The following GDAP1 variants were observed in gnomAD, a reference collection of about 807,000 sequenced individuals.
GDAP1 encodes ganglioside induced differentiation associated protein 1, also known as ganglioside-induced differentiation-associated protein 1.
In GDAP1, 34 loss-of-function variants were observed where a neutral mutation model predicts 40.1. The ratio of observed to expected loss-of-function variants is 0.85; its 90% CI spans 0.64 to 1.13. The LOEUF (loss-of-function observed/expected upper bound fraction) is 1.13. Among genes scored for constraint, GDAP1 ranks in the 50% most tolerant of loss-of-function variants. The probability of loss-of-function intolerance (pLI) is 0.00; values close to 1 mark genes in which losing one functional copy is unlikely to be tolerated. For missense variants in GDAP1, 374 were observed against 433.7 expected (o/e 0.86, Z 1.22); for synonymous variants, 170 against 157.4 (o/e 1.08, Z -0.60).
intron 2 of GDAP1, among the ~76,000 whole-genome samples, chr8:74,426,579 T>C (rs570924851): frequency 2.0e-5 from 3 of 152,388 alleles, no homozygotes; most frequent in African/African-American, 7.2e-5. Context: ...TCTTGAATAC[T>C]GATTGCTTTA....
At chr8:74,373,765 T>C (rs1454805103) in intron 2 of GDAP1, among the ~76,000 whole-genome samples, 1 of 152,208 alleles carries the variant, frequency 6.6e-6, no homozygotes, top group African/African-American at 2.4e-5. Context: ...TCCTGCCTGA[T>C]TGCCCTGGCC....
intron 2 of GDAP1, among the ~76,000 whole-genome samples, chr8:74,457,227 C>T (rs1586840434): frequency 6.6e-6 from 1 of 152,008 alleles, no homozygotes; most frequent in African/African-American, 2.4e-5. Context: ...AAAACTGTAC[C>T]CTTTCCGCAG....
intron 2 of GDAP1, among the ~76,000 whole-genome samples, chr8:74,354,576 T>A (rs967181134): frequency 1.3e-5 from 2 of 152,210 alleles, no homozygotes; most frequent in African/African-American, 4.8e-5. Flanking sequence ...TTAACAAGGC[T>A]AAATGTAAAA....
intron 2 of GDAP1, among the ~76,000 whole-genome samples, chr8:74,446,887 G>A (rs1025846321): frequency 6.6e-6 from 1 of 152,098 alleles, no homozygotes; most frequent in Non-Finnish European, 1.5e-5. Context: ...GTAGATTATT[G>A]ATTGCAAGGG....
chr8:74,436,098 C>T (rs1806085163), intron 2 of GDAP1, among the ~76,000 whole-genome samples: 1 of 152,196 alleles, frequency 6.6e-6, no homozygotes, highest in African/African-American at 2.4e-5. Context: ...ATAGATTGCT[C>T]ATGGGAGACT....
intron 2 of GDAP1, among the ~76,000 whole-genome samples, chr8:74,466,260 C>T (rs184495225): frequency 2.6e-4 from 39 of 152,264 alleles, no homozygotes; most frequent in Non-Finnish European, 5.0e-4. Flanking sequence ...TCTCAAAGCA[C>T]CCCAGGGAGT....
At chr8:74,479,618 T>G (rs1451988364) in intron 2 of GDAP1, among the ~76,000 whole-genome samples, 1 of 152,238 alleles carries the variant, frequency 6.6e-6, no homozygotes, top group Non-Finnish European at 1.5e-5. Flanking sequence ...TTTATTTAGT[T>G]CTTCTGTGGG....
chr8:74,372,564 C>G (rs1809773048), intron 2 of GDAP1, among the ~76,000 whole-genome samples: 1 of 152,182 alleles, frequency 6.6e-6, no homozygotes, highest in African/African-American at 2.4e-5. Context: ...GCATAAAAGT[C>G]TTCTTTTGAG....
At chr8:74,377,237 A>ACCG (rs1809871114) in intron 2 of GDAP1, among the ~76,000 whole-genome samples, 1 of 151,188 alleles carries the variant, frequency 6.6e-6, no homozygotes, top group East Asian at 1.9e-4. Context: ...TCTTAAAGAC[A>ACCG]TTAAGAAAAT....
chr8:74,453,584 T>A lies in GDAP1; in HGVS notation c.166-35094T>A, dbSNP rs1285139514. Among the ~76,000 whole-genome samples, 2 of 84,554 alleles carry A rather than the reference T, an allele frequency of 2.4e-5. 1 individual carries two copies. The highest frequency in any genetic ancestry group is 1.0e-4 in the African/African-American group (2 of 19,428). 55.5% of individuals were successfully genotyped at this position (84,554 alleles called of 152,430 possible). On this transcript the variant is annotated intron_variant, in intron 2 of 2. Coordinates refer to the GDAP1 transcript ENST00000523640. Reference sequence around the variant, plus strand: ...TTGTAAAAGCCTTTGCATTGAAACTTTTATACATTTGTATTAACTTTTTTA... The same window carrying A: ...TTGTAAAAGCCTTTGCATTGAAACTATTATACATTTGTATTAACTTTTTTA...
chr8:74,447,922 G>T lies in GDAP1; in HGVS notation c.166-40756G>T, dbSNP rs964587466. ...GGTCCCATCCCCAAGGTATTTCATC[G>T]TGTATATGCAAATATTCCTAAATAA... is the stretch of plus-strand genomic sequence containing the variant. On this transcript the variant is annotated intron_variant, in intron 2 of 2. Coordinates refer to the GDAP1 transcript ENST00000523640. 2.6e-5 allele frequency among the ~76,000 whole-genome samples: 4 copies of T among 152,262 alleles called. No homozygotes were observed. In the East Asian group the frequency reaches 7.7e-4, roughly 29 times the overall value.
Position 74,365,311 on chromosome 8 carries a change from G to A in GDAP1, c.*944G>A. 2.2e-6 allele frequency: 1 copy of A among 454,056 alleles called. No homozygotes were observed. The highest frequency in any genetic ancestry group is 4.4e-6 in the Non-Finnish European group (1 of 226,776). The allele number at this position is 454,056 out of a possible 1,614,324, so 28.1% of individuals were successfully genotyped here. ...TCATCAACAAAGACTTGTTAGAAAG[G>A]TCTAGTCTTAGCACTTGGCAGTTAA... On this transcript the variant is annotated 3_prime_UTR_variant, in exon 6 of 6. Coordinates refer to ENST00000220822, the MANE Select transcript of GDAP1 (RefSeq NM_018972.4).
rs1809599202 is a variant in GDAP1, at chr8:74,365,761, C to A, written c.*1394C>A. The A allele has an allele frequency of 2.2e-6, 1 of 454,392 alleles. No homozygotes were observed. Among genetic ancestry groups the A allele is most frequent in the Non-Finnish European group, 4.4e-6 (1 of 226,760 alleles). 28.1% of individuals were successfully genotyped at this position (454,392 alleles called of 1,614,324 possible). ...TTCATGACCTAGTTGTATTAGAAAACCTTGATGAACTATATGTTCCCGATT... is the reference window on the plus strand; with the variant it reads ...TTCATGACCTAGTTGTATTAGAAAAACTTGATGAACTATATGTTCCCGATT... On this transcript the variant is annotated 3_prime_UTR_variant, in exon 6 of 6. Coordinates refer to ENST00000220822, the MANE Select transcript of GDAP1 (RefSeq NM_018972.4).
Position 74,364,481 on chromosome 8 carries a change from T to G in GDAP1, c.*114T>G. 1 of 1,107,818 alleles carries G rather than the reference T, an allele frequency of 9.0e-7. No homozygotes were observed. Among genetic ancestry groups the G allele is most frequent in the Non-Finnish European group, 1.4e-6 (1 of 735,642 alleles). The allele number at this position is 1,107,818 out of a possible 1,614,324, so 68.6% of individuals were successfully genotyped here. A position where few individuals can be genotyped will look rare whatever the true frequency, so the allele number is the denominator to read the frequency against. ...TAGTTAGCAGTATTTTTTCCTAAAA[T>G]TCAGAAGTCATCTTTGTTACACAAC... On this transcript the variant is annotated 3_prime_UTR_variant, in exon 6 of 6. Transcript: ENST00000220822.
chr8:74,428,526 T>C (rs1805982614), intron 2 of GDAP1, among the ~76,000 whole-genome samples: 1 of 150,774 alleles, frequency 6.6e-6, no homozygotes, highest in Non-Finnish European at 1.5e-5. Flanking sequence ...CAGAGCAGTG[T>C]CATGATCTCG....
chr8:74,386,859 C>A (rs10113141), intron 2 of GDAP1, among the ~76,000 whole-genome samples: 1 of 152,210 alleles, frequency 6.6e-6, no homozygotes, highest in African/African-American at 2.4e-5. Context: ...TCTTATTTCC[C>A]TGAGCAGTGG....
At chr8:74,472,056 G>A (rs906163125) in intron 2 of GDAP1, among the ~76,000 whole-genome samples, 1 of 152,082 alleles carries the variant, frequency 6.6e-6, no homozygotes, top group African/African-American at 2.4e-5. Context: ...ACTAAGCCTA[G>A]TACCCAATAT....
At chr8:74,462,393 C>A (rs971618504) in intron 2 of GDAP1, among the ~76,000 whole-genome samples, 4 of 152,174 alleles carry the variant, frequency 2.6e-5, no homozygotes, top group Non-Finnish European at 1.5e-5. Flanking sequence ...TTCAATACAT[C>A]TAATGACTTA....
At chr8:74,463,097 C>A (rs56413994) in intron 2 of GDAP1, among the ~76,000 whole-genome samples, 5 of 728 alleles carry the variant, frequency 6.9e-3, no homozygotes, top group Admixed American at 0.038. Flanking sequence ...AATAACATTT[C>A]TAAGATTGAT....
Sources: gnomAD v4.1 joint callset for allele counts (sites outside exome capture counted in the v4.1 genomes callset) on GRCh38, gnomAD v4.1.1 for gene constraint, MANE v1.5 for transcripts, NCBI Gene and HGNC (gene_info 2026-07-23, HGNC 2026-07-21) for gene names.